Variants in HDAC9 observed in about 807,000 individuals in gnomAD.
HDAC9 encodes histone deacetylase 9.
HDAC9 carries 41 observed loss-of-function variants against 139.4 expected under a neutral mutation model. That is an observed-to-expected ratio of 0.29 (90% CI 0.23 to 0.38). HDAC9 has a LOEUF of 0.38. HDAC9 is among the 10% of genes least tolerant of loss of function. The pLI is 1.00. For synonymous variants in HDAC9, 517 were observed against 476.2 expected (o/e 1.09, Z -1.12); for missense variants, 1,147 against 1,297.0 (o/e 0.88, Z 1.78).
intron 1 of HDAC9, among the ~76,000 whole-genome samples, chr7:18,115,061 G>A (rs1308188990): frequency 6.6e-6 from 1 of 152,174 alleles, no homozygotes; most frequent in Non-Finnish European, 1.5e-5. Context: ...AGAGGCCAAC[G>A]TGGGAGGATC....
intron 1 of HDAC9, among the ~76,000 whole-genome samples, chr7:18,426,161 A>G (rs1244836296): frequency 2.0e-5 from 3 of 152,230 alleles, no homozygotes; most frequent in African/African-American, 7.2e-5. Context: ...AATCAGATAG[A>G]GTAATTCCAG....
At chr7:18,507,170 A>ATATTATTATTATTATTATTATTATTAT (rs59819356) in intron 2 of HDAC9, among the ~76,000 whole-genome samples, 12 of 144,326 alleles carry the variant, frequency 8.3e-5, no homozygotes, top group African/African-American at 2.8e-4. Context: ...TATTCATTAC[A>ATATTATTATTATTATTATTATTATTAT]TATTATTATT....
At chr7:18,444,696 T>G (rs1792129790) in intron 1 of HDAC9, among the ~76,000 whole-genome samples, 1 of 152,130 alleles carries the variant, frequency 6.6e-6, no homozygotes, top group South Asian at 2.1e-4. Context: ...AAAGGAGGCA[T>G]GAATACCGAA....
chr7:18,966,576 C>A (rs184796473), intron 24 of HDAC9, among the ~76,000 whole-genome samples: 187 of 152,206 alleles, frequency 1.2e-3, no homozygotes, highest in Non-Finnish European at 2.0e-3. Flanking sequence ...TGATGTGCAC[C>A]TGTAATCGCA....
At chr7:18,297,014 C>A (rs1798194083) in intron 1 of HDAC9, among the ~76,000 whole-genome samples, 1 of 152,138 alleles carries the variant, frequency 6.6e-6, no homozygotes, top group African/African-American at 2.4e-5. Flanking sequence ...AGCAGGACAT[C>A]TGAGAGCTTG....
rs575045897 is a variant in HDAC9, at chr7:18,183,054, T to G, written c.25+20705T>G. Among the ~76,000 whole-genome samples, 73 of 151,796 alleles carry G rather than the reference T, an allele frequency of 4.8e-4. No individual in the cohort carries two copies. The East Asian group carries it at 8.2e-3, about 17-fold the overall frequency. On this transcript the variant is annotated intron_variant, in intron 2 of 12. Coordinates refer to the HDAC9 transcript ENST00000417496. ...AGACGGAGTCTCACTCTGTTGCCCG[T>G]GCTGGAGTGCAGTGGCGCAATCTCG...
intron 13 of HDAC9, among the ~76,000 whole-genome samples, chr7:18,743,049 A>G (rs926526397): frequency 1.3e-5 from 2 of 152,226 alleles, no homozygotes; most frequent in Non-Finnish European, 2.9e-5. Context: ...TTTTCTTCAT[A>G]ATATCCGTAG....
chr7:18,836,697 A>C (rs1796262246), intron 21 of HDAC9, among the ~76,000 whole-genome samples: 1 of 152,140 alleles, frequency 6.6e-6, no homozygotes. Context: ...AAAAATGAGC[A>C]TTTCTTCTCT....
intron 1 of HDAC9, among the ~76,000 whole-genome samples, chr7:18,384,991 A>G (rs948669676): frequency 6.6e-6 from 1 of 152,074 alleles, no homozygotes; most frequent in Admixed American, 6.5e-5. Context: ...TTCTGTTTCT[A>G]TTTACCTTTT....
intron 16 of HDAC9, among the ~76,000 whole-genome samples, chr7:18,769,825 C>T (rs914049392): frequency 1.3e-5 from 2 of 152,080 alleles, no homozygotes; most frequent in African/African-American, 4.8e-5. Flanking sequence ...AACTTGGCAG[C>T]ATGGGAGCAC....
chr7:18,103,752 C>T (rs1783006224), intron 1 of HDAC9, among the ~76,000 whole-genome samples: 1 of 152,124 alleles, frequency 6.6e-6, no homozygotes, highest in Non-Finnish European at 1.5e-5. Context: ...AGTTAAGCTC[C>T]TATGGCATAT....
intron 7 of HDAC9, among the ~76,000 whole-genome samples, chr7:18,631,190 C>T (rs1392430339): frequency 2.0e-5 from 3 of 152,054 alleles, no homozygotes; most frequent in Non-Finnish European, 4.4e-5. Context: ...CAGAGTTTTA[C>T]TCGAATTTCC....
intron 22 of HDAC9, among the ~76,000 whole-genome samples, chr7:18,902,098 G>A (rs953117609): frequency 1.4e-4 from 22 of 152,218 alleles, no homozygotes; most frequent in Non-Finnish European, 2.9e-4. Context: ...GGAGGCTGAA[G>A]CCTCTGGAAT....
intron 22 of HDAC9, among the ~76,000 whole-genome samples, chr7:18,932,346 T>A (rs1314272518): frequency 6.6e-6 from 1 of 152,156 alleles, no homozygotes; most frequent in Non-Finnish European, 1.5e-5. Flanking sequence ...ATGAGAAACA[T>A]TCAAATTTGG....
intron 1 of HDAC9, among the ~76,000 whole-genome samples, chr7:18,439,156 G>C (rs780270360): frequency 1.3e-5 from 2 of 152,084 alleles, no homozygotes; most frequent in Non-Finnish European, 2.9e-5. Flanking sequence ...TTTCGCTTCT[G>C]ATCATCCCAG....
At chr7:18,308,956 A>G (rs1799111824) in intron 1 of HDAC9, among the ~76,000 whole-genome samples, 3 of 152,186 alleles carry the variant, frequency 2.0e-5, no homozygotes. Flanking sequence ...AGGGAACCTG[A>G]ACAAAGTCAC....
chr7:18,968,765 C>T (rs1461293346), intron 24 of HDAC9, among the ~76,000 whole-genome samples: 1 of 151,936 alleles, frequency 6.6e-6, no homozygotes, highest in Non-Finnish European at 1.5e-5. Flanking sequence ...CGAGACCATC[C>T]TGGCTAACAG....
intron 1 of HDAC9, among the ~76,000 whole-genome samples, chr7:18,381,741 A>G (rs1785465167): frequency 6.6e-6 from 1 of 152,204 alleles, no homozygotes; most frequent in South Asian, 2.1e-4. Flanking sequence ...TTAACAGAGT[A>G]GACAAATAGG....
At chr7:18,515,222 C>T (rs1032051650) in intron 2 of HDAC9, among the ~76,000 whole-genome samples, 4 of 152,180 alleles carry the variant, frequency 2.6e-5, no homozygotes, top group African/African-American at 9.7e-5. Context: ...TTTTTTCCTT[C>T]TTCCTCATTC....
Sources: allele counts gnomAD v4.1 joint callset (sites outside exome capture counted in the v4.1 genomes callset), GRCh38; gene constraint gnomAD v4.1.1; transcripts MANE v1.5; gene names NCBI Gene and HGNC (gene_info 2026-07-23, HGNC 2026-07-21).